DLG2: variants seen among roughly 807,000 people sequenced by gnomAD.
DLG2 encodes discs large MAGUK scaffold protein 2.
A neutral mutation model predicts 132.5 loss-of-function variants in DLG2; 45 were observed. The observed-to-expected ratio is 0.34, with a 90% CI of 0.27 to 0.44. The LOEUF is 0.44. DLG2 is among the 20% of genes least tolerant of loss of function. The pLI, the probability that DLG2 is intolerant of heterozygous loss-of-function variation, is 1.00. For missense variants in DLG2, 1,045 were observed against 1,196.9 expected (o/e 0.87, Z 1.87); for synonymous variants, 424 against 419.6 (o/e 1.01, Z -0.13).
intron 4 of DLG2, among the ~76,000 whole-genome samples, chr11:85,156,272 T>G (rs577574324): frequency 4.6e-5 from 7 of 152,324 alleles, no homozygotes; most frequent in Admixed American, 3.3e-4. Context: ...TGTGTCTACA[T>G]GTATGTGTTT....
At chr11:83,564,161 T>C (rs1455906241) in intron 19 of DLG2, among the ~76,000 whole-genome samples, 1 of 152,030 alleles carries the variant, frequency 6.6e-6, no homozygotes, top group Non-Finnish European at 1.5e-5. Context: ...TTGGATATAA[T>C]AAATTTGAAA....
intron 17 of DLG2, among the ~76,000 whole-genome samples, chr11:83,803,217 ATT>A (rs1279184875): frequency 1.3e-5 from 2 of 152,064 alleles, no homozygotes; most frequent in Admixed American, 6.6e-5. Context: ...TGGGGGATGG[ATT>A]GGTGAAGAAA....
At chr11:84,704,005 CA>C (rs2059522359) in intron 6 of DLG2, among the ~76,000 whole-genome samples, 1 of 150,170 alleles carries the variant, frequency 6.7e-6, no homozygotes, top group African/African-American at 2.4e-5. Flanking sequence ...ACAGTAATAA[CA>C]GCAGCCAGTA....
intron 4 of DLG2, among the ~76,000 whole-genome samples, chr11:85,274,704 C>G (rs1232142938): frequency 2.0e-5 from 3 of 152,118 alleles, no homozygotes. Flanking sequence ...AAAACACAAC[C>G]CCTTTCCTCC....
intron 18 of DLG2, among the ~76,000 whole-genome samples, chr11:83,735,919 C>T (rs184220734): frequency 1.6e-3 from 251 of 152,326 alleles, no homozygotes; most frequent in African/African-American, 5.8e-3. Context: ...CAGATTCACT[C>T]TCTGCCACCA....
intron 8 of DLG2, among the ~76,000 whole-genome samples, chr11:84,164,668 A>G (rs2095621527): frequency 6.6e-6 from 1 of 152,228 alleles, no homozygotes; most frequent in Non-Finnish European, 1.5e-5. Flanking sequence ...ATATTTGTGG[A>G]TTCTCTTTTG....
intron 3 of DLG2, among the ~76,000 whole-genome samples, chr11:85,306,999 A>T (rs994293494): frequency 6.6e-6 from 1 of 152,202 alleles, no homozygotes; most frequent in African/African-American, 2.4e-5. Flanking sequence ...ATGTCATCTC[A>T]AGAAGAAATG....
chr11:84,081,098 C>T (rs1594821320), intron 10 of DLG2, among the ~76,000 whole-genome samples: 3 of 151,170 alleles, frequency 2.0e-5, no homozygotes, highest in East Asian at 3.9e-4. Flanking sequence ...AGTTAACAAA[C>T]GATAGGAGAA....
intron 6 of DLG2, among the ~76,000 whole-genome samples, chr11:85,101,857 A>G (rs760977772): frequency 6.6e-6 from 1 of 152,086 alleles, no homozygotes; most frequent in Non-Finnish European, 1.5e-5. Context: ...AAATTCCTTC[A>G]GTTCTGAATG....
At chr11:84,786,751 G>T (rs1314968609) in intron 6 of DLG2, among the ~76,000 whole-genome samples, 1 of 152,184 alleles carries the variant, frequency 6.6e-6, no homozygotes, top group Non-Finnish European at 1.5e-5. Context: ...AGGGCAGACA[G>T]TTGCAGAAAA....
chr11:83,814,626 T>C (rs1218541379), intron 17 of DLG2: 2 of 158,200 alleles, frequency 1.3e-5, no homozygotes, highest in Non-Finnish European at 2.8e-5. Context: ...CTTAATTATG[T>C]GGAAACTGAA....
At chr11:85,301,874 G>A (rs2079605676) in intron 3 of DLG2, among the ~76,000 whole-genome samples, 1 of 152,144 alleles carries the variant, frequency 6.6e-6, no homozygotes, top group Non-Finnish European at 1.5e-5. Context: ...ACTTAGCTAT[G>A]GATGATATAA....
chr11:83,675,963 T>C (rs2077611964), intron 18 of DLG2, among the ~76,000 whole-genome samples: 3 of 152,238 alleles, frequency 2.0e-5, no homozygotes, highest in African/African-American at 7.2e-5. Flanking sequence ...TTGTACATTA[T>C]GTATTGTACA....
At chr11:84,551,093 T>C (rs768693093) in intron 6 of DLG2, among the ~76,000 whole-genome samples, 5 of 152,118 alleles carry the variant, frequency 3.3e-5, no homozygotes, top group Non-Finnish European at 7.4e-5. Context: ...CATTGGAACA[T>C]GGGAAAGTTG....
At chr11:84,555,088 AT>A (rs2099409371) in intron 6 of DLG2, among the ~76,000 whole-genome samples, 1 of 152,126 alleles carries the variant, frequency 6.6e-6, no homozygotes, top group Admixed American at 6.5e-5. Context: ...CTTGGGAAGG[AT>A]TTGGGTCCCC....
At chr11:84,944,847 G>GC (rs1282297975) in intron 6 of DLG2, among the ~76,000 whole-genome samples, 3 of 152,044 alleles carry the variant, frequency 2.0e-5, no homozygotes, top group Non-Finnish European at 4.4e-5. Context: ...CTCATGATTT[G>GC]CCCACCTCAC....
At chr11:85,591,767 T>G (rs559536309) in intron 3 of DLG2, among the ~76,000 whole-genome samples, 1 of 152,290 alleles carries the variant, frequency 6.6e-6, no homozygotes, top group South Asian at 2.1e-4. Context: ...AAGCTGTCCC[T>G]GTTTCTACTG....
intron 6 of DLG2, among the ~76,000 whole-genome samples, chr11:84,935,905 A>G (rs2154094176): frequency 6.6e-6 from 1 of 152,308 alleles, no homozygotes; most frequent in South Asian, 2.1e-4. Context: ...TTTTGTCTAT[A>G]GGTCAGGTCT....
intron 7 of DLG2, among the ~76,000 whole-genome samples, chr11:84,499,328 G>A (rs2099195235): frequency 6.6e-6 from 1 of 152,162 alleles, no homozygotes; most frequent in South Asian, 2.1e-4. Flanking sequence ...TCAGATTGAA[G>A]AGCTATTTAA....
Sources: gnomAD v4.1 joint callset for allele counts (sites outside exome capture counted in the v4.1 genomes callset) on GRCh38, gnomAD v4.1.1 for gene constraint, MANE v1.5 for transcripts, NCBI Gene and HGNC (gene_info 2026-07-23, HGNC 2026-07-21) for gene names.